ACAP2: variants seen among roughly 807,000 people sequenced by gnomAD.
The protein encoded by ACAP2 is arf-GAP with coiled-coil, ANK repeat and PH domain-containing protein 2.
A neutral mutation model predicts 115.8 loss-of-function variants in ACAP2; 39 were observed. The ratio of observed to expected loss-of-function variants is 0.34; its 90% CI spans 0.26 to 0.44. The LOEUF (loss-of-function observed/expected upper bound fraction) is 0.44. ACAP2 is among the 20% of genes least tolerant of loss of function. The pLI, the probability that ACAP2 is intolerant of heterozygous loss-of-function variation, is 1.00. For synonymous variants in ACAP2, 289 were observed against 315.8 expected, an observed-to-expected ratio of 0.92 and a Z score of 0.90; for missense variants, 662 against 927.6, an observed-to-expected ratio of 0.71 and a Z score of 3.72.
intron 17 of ACAP2, among the ~76,000 whole-genome samples, 187 bp from the exon 18 acceptor site, chr3:195,294,998 A>G (rs1380162115): frequency 6.6e-6 from 1 of 152,132 alleles, no homozygotes; most frequent in East Asian, 1.9e-4. Flanking sequence ...CAATCATAAA[A>G]CCTGAAAATA....
intron 4 of ACAP2, among the ~76,000 whole-genome samples, chr3:195,360,903 C>T (rs1173446086): frequency 1.4e-5 from 2 of 146,922 alleles, no homozygotes; most frequent in Non-Finnish European, 3.0e-5. Context: ...GGGTGTAGAA[C>T]ACACATTTTT....
chr3:195,398,199 TC>T (rs1159678870), intron 1 of ACAP2, among the ~76,000 whole-genome samples: 1 of 152,176 alleles, frequency 6.6e-6, no homozygotes, highest in Admixed American at 6.5e-5. Flanking sequence ...CAAGGAAGGT[TC>T]TATCCAACTC....
intron 4 of ACAP2, among the ~76,000 whole-genome samples, chr3:195,379,632 AAAACAAAC>A (rs922521271): frequency 1.3e-5 from 2 of 152,138 alleles, no homozygotes; most frequent in Non-Finnish European, 2.9e-5. Context: ...ATCTCTACCA[AAAACAAAC>A]AAACAAACAA....
chr3:195,362,269 T>C (rs1252405235), intron 4 of ACAP2, among the ~76,000 whole-genome samples: 2 of 151,038 alleles, frequency 1.3e-5, no homozygotes, highest in African/African-American at 2.4e-5. Context: ...TGAGCCGAGA[T>C]TGCGCCACTG....
intron 22 of ACAP2, 96 bp from the exon 23 acceptor site, chr3:195,279,524 C>T: frequency 1.4e-6 from 1 of 716,266 alleles, no homozygotes; most frequent in Admixed American, 4.0e-5. Context: ...TAATTCATTA[C>T]ATTAAAATTT....
At chr3:195,307,944 T>A (rs746411108) in intron 11 of ACAP2, among the ~76,000 whole-genome samples, 1 of 152,144 alleles carries the variant, frequency 6.6e-6, no homozygotes, top group Non-Finnish European at 1.5e-5. Context: ...ATTTGAAATC[T>A]GCAGTTTACA....
At chr3:195,328,941 G>A (rs988408001) in intron 8 of ACAP2, among the ~76,000 whole-genome samples, 2 of 151,916 alleles carry the variant, frequency 1.3e-5, no homozygotes, top group African/African-American at 2.4e-5. Context: ...TTAGCCGGGC[G>A]TGGTGGCGGG....
At chr3:195,393,884 T>TG (rs34637964) in intron 1 of ACAP2, among the ~76,000 whole-genome samples, 14,723 of 121,012 alleles carry the variant, frequency 0.12, 1,107 homozygotes, top group Admixed American at 0.22. Flanking sequence ...AGTATTATAT[T>TG]GGGGGGGGGG....
chr3:195,345,047 C>T (rs756271136), intron 5 of ACAP2, among the ~76,000 whole-genome samples: 10 of 152,100 alleles, frequency 6.6e-5, no homozygotes, highest in Non-Finnish European at 1.5e-4. Flanking sequence ...TTCCAGAACA[C>T]GTATTTGTGG....
chr3:195,384,342 A>G (rs1005228741), intron 2 of ACAP2, among the ~76,000 whole-genome samples: 1 of 152,226 alleles, frequency 6.6e-6, no homozygotes, highest in Non-Finnish European at 1.5e-5. Flanking sequence ...ATTAAGAGAA[A>G]AATCAAAATG....
At chr3:195,407,929 A>C (rs1712927022) in intron 1 of ACAP2, among the ~76,000 whole-genome samples, 1 of 152,170 alleles carries the variant, frequency 6.6e-6, no homozygotes, top group African/African-American at 2.4e-5. Flanking sequence ...AATTTTTTTT[A>C]AAAAGAAGAC....
chr3:195,293,870 G>A (rs567098064), intron 18 of ACAP2, among the ~76,000 whole-genome samples: 3 of 151,630 alleles, frequency 2.0e-5, no homozygotes, highest in East Asian at 1.9e-4. Flanking sequence ...TCGGTGGCTC[G>A]CGCCTGCAAT....
intron 4 of ACAP2, among the ~76,000 whole-genome samples, chr3:195,376,108 T>C (rs1415064874): frequency 6.6e-6 from 1 of 152,012 alleles, no homozygotes; most frequent in East Asian, 1.9e-4. Context: ...AACATATGCA[T>C]TAAGGCCAAG....
At chr3:195,367,610 T>A (rs1052329260) in intron 4 of ACAP2, among the ~76,000 whole-genome samples, 4 of 152,136 alleles carry the variant, frequency 2.6e-5, no homozygotes, top group African/African-American at 9.7e-5. Flanking sequence ...TGGCTCTGAG[T>A]CTTGCTTTGA....
At chr3:195,401,417 C>T (rs1212830590) in intron 1 of ACAP2, among the ~76,000 whole-genome samples, 1 of 152,166 alleles carries the variant, frequency 6.6e-6, no homozygotes, top group Non-Finnish European at 1.5e-5. Flanking sequence ...GTAATCCCAG[C>T]ATTTTGGGAG....
At chr3:195,372,962 T>C (rs1733258605) in intron 4 of ACAP2, among the ~76,000 whole-genome samples, 1 of 111,896 alleles carries the variant, frequency 8.9e-6, no homozygotes, top group Non-Finnish European at 1.6e-5. Context: ...CACTCCAGCC[T>C]GGGCGACAGA....
At chr3:195,419,499 AACTG>A (rs1409816187) in intron 1 of ACAP2, 1 of 152,194 alleles carries the variant, frequency 6.6e-6, no homozygotes, top group African/African-American at 2.4e-5. Flanking sequence ...ATCAATCTGT[AACTG>A]ACTGAACAAT....
intron 2 of ACAP2, among the ~76,000 whole-genome samples, chr3:195,386,339 A>G (rs12494564): frequency 0.021 from 3,228 of 152,322 alleles, 112 homozygotes; most frequent in East Asian, 0.097. Context: ...GGACTATACT[A>G]AAAACCATGA....
At chr3:195,432,812 A>G (rs908814541) in intron 1 of ACAP2, among the ~76,000 whole-genome samples, 1 of 152,240 alleles carries the variant, frequency 6.6e-6, no homozygotes, top group African/African-American at 2.4e-5. Flanking sequence ...CTTCTGATCC[A>G]TGAACATGGG....
Sources: gnomAD v4.1 joint callset for allele counts (sites outside exome capture counted in the v4.1 genomes callset) on GRCh38, gnomAD v4.1.1 for gene constraint, MANE v1.5 for transcripts, NCBI Gene and HGNC (gene_info 2026-07-23, HGNC 2026-07-21) for gene names.